Variants in CELF4 observed in about 807,000 individuals in gnomAD.
CELF4 encodes CUG-BP- and ETR-3-like factor 4.
In CELF4, 18 loss-of-function variants were observed where a neutral mutation model predicts 59.9. The ratio of observed to expected loss-of-function variants is 0.30; its 90% confidence interval spans 0.21 to 0.45. CELF4 has a LOEUF of 0.45. Among genes scored for constraint, CELF4 ranks in the 20% least tolerant of loss-of-function variants. The probability of loss-of-function intolerance (pLI) is 1.00; values close to 1 mark genes in which losing one functional copy is unlikely to be tolerated. For synonymous variants in CELF4, 261 were observed against 267.1 expected (o/e 0.98, Z 0.22); for missense variants, 456 against 689.0 (o/e 0.66, Z 3.79).
chr18:37,459,083 G>A (rs570212938), intron 2 of CELF4, among the ~76,000 whole-genome samples: 18 of 152,190 alleles, frequency 1.2e-4, no homozygotes, highest in Non-Finnish European at 1.9e-4. Context: ...CGGGCTCATC[G>A]CTGATGACAG....
intron 12 of CELF4, among the ~76,000 whole-genome samples, chr18:37,252,958 A>G (rs968705412): frequency 1.3e-5 from 2 of 152,026 alleles, no homozygotes; most frequent in Non-Finnish European, 2.9e-5. Flanking sequence ...TGCAAGAGCC[A>G]CAGCACTGGG....
chr18:37,455,840 C>A (rs192294529), intron 2 of CELF4, among the ~76,000 whole-genome samples: 2 of 152,312 alleles, frequency 1.3e-5, no homozygotes, highest in East Asian at 3.9e-4. Flanking sequence ...GAGGTCTCCT[C>A]ACCCTGATGC....
At chr18:37,286,080 G>A (rs1229398060) in intron 3 of CELF4, among the ~76,000 whole-genome samples, 2 of 152,126 alleles carry the variant, frequency 1.3e-5, no homozygotes, top group African/African-American at 2.4e-5. Flanking sequence ...ACAAAGCAGG[G>A]CTATTCCAGC....
intron 1 of CELF4, among the ~76,000 whole-genome samples, chr18:37,506,299 A>G (rs547605267): frequency 6.6e-6 from 1 of 152,312 alleles, no homozygotes; most frequent in African/African-American, 2.4e-5. Context: ...AACTAATTGT[A>G]TAGGCTTGTT....
At chr18:37,408,391 C>A (rs2154591535) in intron 2 of CELF4, among the ~76,000 whole-genome samples, 1 of 151,686 alleles carries the variant, frequency 6.6e-6, no homozygotes, top group East Asian at 1.9e-4. Flanking sequence ...AAGCACCCAA[C>A]TTTCCAGGAA....
intron 2 of CELF4, among the ~76,000 whole-genome samples, chr18:37,466,117 G>C (rs1426322198): frequency 6.6e-6 from 1 of 152,214 alleles, no homozygotes; most frequent in Non-Finnish European, 1.5e-5. Flanking sequence ...AGTCGCGCCT[G>C]CTCTTTCTGT....
intron 2 of CELF4, among the ~76,000 whole-genome samples, chr18:37,400,923 G>A (rs1455352074): frequency 2.6e-5 from 4 of 152,244 alleles, no homozygotes; most frequent in South Asian, 2.1e-4. Flanking sequence ...GGCTGAGGGC[G>A]GCTGATTTGT....
chr18:37,325,564 C>A (rs968150176), intron 2 of CELF4, among the ~76,000 whole-genome samples: 3 of 152,194 alleles, frequency 2.0e-5, no homozygotes, highest in African/African-American at 7.2e-5. Flanking sequence ...CTGCAGGAGC[C>A]CTCCCAACCA....
At chr18:37,262,230 A>G (rs187827506) in intron 10 of CELF4, among the ~76,000 whole-genome samples, 1 of 152,266 alleles carries the variant, frequency 6.6e-6, no homozygotes, top group South Asian at 2.1e-4. Context: ...CTCTGTTGGT[A>G]TCGTGCATTA....
At chr18:37,259,010 TG>T in intron 11 of CELF4, 170 bp downstream of exon 11, 2 of 943,144 alleles carry the variant, frequency 2.1e-6, no homozygotes, top group East Asian at 2.7e-5. Context: ...ATGGAGCAGC[TG>T]GGGCGGGGGC....
rs558630840 is a variant in CELF4 at position 37,375,053 on chromosome 18, A to G, written c.370-53172T>C. On this transcript the variant is annotated intron_variant, in intron 2 of 12. Transcript: ENST00000420428. ...GTGTGTCCTCAGGTTGGGTGTGTGT[A>G]TAGGGTGAGAATCACTTTTCCATTG... Among the ~76,000 whole-genome samples the G allele has an allele frequency of 2.0e-5, 3 of 152,154 alleles. No individual in the cohort carries two copies. The East Asian group carries it at 5.8e-4, about 30-fold the overall frequency.
intron 2 of CELF4, among the ~76,000 whole-genome samples, chr18:37,439,579 C>T (rs1557426518): frequency 6.6e-6 from 1 of 152,154 alleles, no homozygotes; most frequent in Non-Finnish European, 1.5e-5. Flanking sequence ...CTGACCACTC[C>T]AAGGACCTTG....
chr18:37,467,669 CAA>C (rs1472127073), intron 2 of CELF4, among the ~76,000 whole-genome samples: 1 of 152,188 alleles, frequency 6.6e-6, no homozygotes, highest in Admixed American at 6.5e-5. Context: ...CCATTTCCCC[CAA>C]GTCACACAGC....
At chr18:37,284,017 CACACACACCCAACACACACACA>C (rs2094480066) in intron 3 of CELF4, among the ~76,000 whole-genome samples, 1 of 1,464 alleles carries the variant, frequency 6.8e-4, no homozygotes, top group Non-Finnish European at 1.3e-3. Context: ...ACTCAACATG[CACACACACCCAACACACACACA>C]CCAACACACA....
chr18:37,462,204 A>AC (rs2099795465), intron 2 of CELF4, among the ~76,000 whole-genome samples: 1 of 152,032 alleles, frequency 6.6e-6, no homozygotes, highest in African/African-American at 2.4e-5. Flanking sequence ...CCCACCCCTG[A>AC]CCCAGAAAGG....
At chr18:37,484,702 A>C (rs978063319) in intron 2 of CELF4, among the ~76,000 whole-genome samples, 3 of 152,254 alleles carry the variant, frequency 2.0e-5, no homozygotes, top group Non-Finnish European at 4.4e-5. Flanking sequence ...GTGTGTTTAC[A>C]TACGGTTGGC....
At chr18:37,475,577 G>A (rs543639254) in intron 2 of CELF4, among the ~76,000 whole-genome samples, 1 of 152,306 alleles carries the variant, frequency 6.6e-6, no homozygotes, top group East Asian at 1.9e-4. Flanking sequence ...GGAGGATTCT[G>A]GTGGGTAGGC....
intron 2 of CELF4, among the ~76,000 whole-genome samples, chr18:37,483,182 A>G (rs2099873214): frequency 6.6e-6 from 1 of 152,206 alleles, no homozygotes; most frequent in Admixed American, 6.5e-5. Context: ...CTCTGATCTC[A>G]AAGGAGAGAA....
chr18:37,462,214 G>C (rs1322854575), intron 2 of CELF4, among the ~76,000 whole-genome samples: 4 of 152,134 alleles, frequency 2.6e-5, no homozygotes, highest in Non-Finnish European at 5.9e-5. Flanking sequence ...ACCCAGAAAG[G>C]CCTCTCTGGC....
Sources: gnomAD v4.1 joint callset for allele counts (sites outside exome capture counted in the v4.1 genomes callset) on GRCh38, gnomAD v4.1.1 for gene constraint, MANE v1.5 for transcripts, NCBI Gene and HGNC (gene_info 2026-07-23, HGNC 2026-07-21) for gene names.